CAST: variants seen among roughly 807,000 people sequenced by gnomAD.
CAST encodes the protein calpastatin.
CAST carries 76 observed loss-of-function variants against 119.6 expected under a neutral mutation model. The ratio of observed to expected loss-of-function variants is 0.64; its 90% CI spans 0.53 to 0.77. The LOEUF (loss-of-function observed/expected upper bound fraction) is 0.77, where lower values mean the gene tolerates loss of function less well. Ranked by LOEUF, CAST falls within the 30% of genes least tolerant of loss-of-function variation. CAST has a pLI of 0.00. For missense variants in CAST, 953 were observed against 946.5 expected, an observed-to-expected ratio of 1.01 and a Z score of -0.09; for synonymous variants, 319 against 331.6, an observed-to-expected ratio of 0.96 and a Z score of 0.41.
At chr5:96,712,518 G>A (rs1428390400) in intron 3 of CAST, among the ~76,000 whole-genome samples, 2 of 152,064 alleles carry the variant, frequency 1.3e-5, no homozygotes, top group African/African-American at 4.8e-5. Flanking sequence ...TTGTAGAGAT[G>A]GGGTCTCACT....
the CAST span, among the ~76,000 whole-genome samples, chr5:96,417,182 A>G: frequency 6.6e-6 from 1 of 152,170 alleles, no homozygotes; most frequent in African/African-American, 2.4e-5. Context: ...TAAAATTCCT[A>G]AATTGACTGG....
the CAST span, among the ~76,000 whole-genome samples, chr5:96,207,193 G>A: frequency 6.6e-6 from 1 of 152,104 alleles, no homozygotes; most frequent in Non-Finnish European, 1.5e-5. Context: ...AGATTTAGGA[G>A]CTTTTGGGCA....
At chr5:96,034,893 C>A in the CAST span, among the ~76,000 whole-genome samples, 1 of 151,272 alleles carries the variant, frequency 6.6e-6, no homozygotes, top group Admixed American at 6.6e-5. Flanking sequence ...TGGCTTAATA[C>A]ATACATTTAA....
intron 1 of CAST, among the ~76,000 whole-genome samples, chr5:96,539,785 C>T (rs1475276719): frequency 6.6e-6 from 1 of 152,178 alleles, no homozygotes; most frequent in Non-Finnish European, 1.5e-5. Context: ...CCTTTTTAAA[C>T]CTAATCCTGC....
chr5:96,724,701 T>C (rs1047422744), intron 4 of CAST, among the ~76,000 whole-genome samples: 1 of 151,908 alleles, frequency 6.6e-6, no homozygotes, highest in Non-Finnish European at 1.5e-5. Context: ...TTTACTCCTG[T>C]AGTCTCAGCT....
chr5:96,236,108 T>G, the CAST span, among the ~76,000 whole-genome samples: 4 of 143,392 alleles, frequency 2.8e-5, no homozygotes, highest in Non-Finnish European at 1.6e-5. Context: ...TGTCTGTCTG[T>G]CTGTCTATCT....
At chr5:96,608,541 G>C (rs1182101779) in intron 1 of CAST, among the ~76,000 whole-genome samples, 8 of 151,932 alleles carry the variant, frequency 5.3e-5, no homozygotes, top group Admixed American at 3.9e-4. Context: ...AATCGAGCCA[G>C]GGAAGGCTAT....
At chr5:96,533,709 A>G (rs1745733738) in intron 1 of CAST, among the ~76,000 whole-genome samples, 1 of 152,194 alleles carries the variant, frequency 6.6e-6, no homozygotes, top group Non-Finnish European at 1.5e-5. Context: ...GTCATTGATG[A>G]AGCAGCAAAA....
At chr5:96,573,643 A>AC (rs1426189678) in intron 1 of CAST, among the ~76,000 whole-genome samples, 2 of 151,374 alleles carry the variant, frequency 1.3e-5, no homozygotes, top group African/African-American at 4.9e-5. Flanking sequence ...CTGTCTCAAA[A>AC]AAAAAATGAC....
intron 1 of CAST, among the ~76,000 whole-genome samples, chr5:96,592,444 G>C (rs1746979194): frequency 6.6e-6 from 1 of 152,284 alleles, no homozygotes; most frequent in East Asian, 1.9e-4. Flanking sequence ...TGTCATTGCT[G>C]TATGTGGCAT....
At chr5:96,082,961 A>T in the CAST span, among the ~76,000 whole-genome samples, 1 of 152,224 alleles carries the variant, frequency 6.6e-6, no homozygotes, top group Admixed American at 6.5e-5. Context: ...ATTAAGTTAG[A>T]AATATTTAGA....
chr5:96,520,137 C>A, the CAST span, among the ~76,000 whole-genome samples: 2 of 152,158 alleles, frequency 1.3e-5, no homozygotes, highest in East Asian at 3.8e-4. Context: ...AAAACCATTC[C>A]CTTTTTTGCC....
chr5:96,568,661 T>C (rs553873864), intron 1 of CAST, among the ~76,000 whole-genome samples: 1 of 151,986 alleles, frequency 6.6e-6, no homozygotes, highest in Non-Finnish European at 1.5e-5. Context: ...ATATTTTGCC[T>C]CTGATTACTA....
the CAST span, among the ~76,000 whole-genome samples, chr5:96,464,893 A>G: frequency 6.6e-6 from 1 of 151,866 alleles, no homozygotes; most frequent in Non-Finnish European, 1.5e-5. Context: ...GTTCTTCTTC[A>G]CTCCTTGTTA....
the CAST span, among the ~76,000 whole-genome samples, chr5:96,221,629 AC>A: frequency 1.3e-5 from 2 of 152,180 alleles, no homozygotes; most frequent in African/African-American, 4.8e-5. Flanking sequence ...AAATGGGAAA[AC>A]AGTCCACACT....
the CAST span, among the ~76,000 whole-genome samples, chr5:96,305,513 G>T: frequency 6.6e-6 from 1 of 152,160 alleles, no homozygotes; most frequent in African/African-American, 2.4e-5. Flanking sequence ...GGTGAGAGAG[G>T]GCATCCTTGT....
chr5:96,569,553 T>TC (rs1175097367), intron 1 of CAST, among the ~76,000 whole-genome samples: 1 of 152,106 alleles, frequency 6.6e-6, no homozygotes, highest in Non-Finnish European at 1.5e-5. Context: ...CTGTGCAGGC[T>TC]CCCCTCCTCT....
chr5:96,095,576 A>G, the CAST span, among the ~76,000 whole-genome samples: 1 of 144,380 alleles, frequency 6.9e-6, no homozygotes, highest in African/African-American at 2.5e-5. Flanking sequence ...AAAAAAAAAA[A>G]AAAAAAAAAA....
At chr5:96,362,426 T>C in the CAST span, among the ~76,000 whole-genome samples, 1 of 152,234 alleles carries the variant, frequency 6.6e-6, no homozygotes, top group Non-Finnish European at 1.5e-5. Context: ...TCCACAATGG[T>C]TGAACTAGTT....
Sources: gnomAD v4.1 joint callset for allele counts (sites outside exome capture counted in the v4.1 genomes callset) on GRCh38, gnomAD v4.1.1 for gene constraint, MANE v1.5 for transcripts, NCBI Gene and HGNC (gene_info 2026-07-23, HGNC 2026-07-21) for gene names.